The following ZNF644 variants were observed in gnomAD, a reference collection of about 807,000 sequenced individuals.
ZNF644 encodes the protein zinc finger protein 644, also known as zinc finger motif enhancer binding protein 2.
A neutral mutation model predicts 108.0 loss-of-function variants in ZNF644; 20 were observed. The observed-to-expected ratio is 0.19, with a 90% confidence interval of 0.13 to 0.27. The LOEUF (loss-of-function observed/expected upper bound fraction) is 0.27. ZNF644 is among the 10% of genes least tolerant of loss of function. The pLI is 1.00. For synonymous variants in ZNF644, 542 were observed against 539.1 expected (o/e 1.01, Z -0.08); for missense variants, 1,338 against 1,548.9 (o/e 0.86, Z 2.29).
intron 4 of ZNF644, among the ~76,000 whole-genome samples, chr1:90,928,180 TCTCA>T (rs949249758): frequency 2.6e-5 from 4 of 151,012 alleles, no homozygotes; most frequent in Non-Finnish European, 5.9e-5. Context: ...TGAGACGGAG[TCTCA>T]CTCTGTCGCC....
chr1:90,939,992 T>C lies in ZNF644; in HGVS notation c.1362A>G (p.Gly454=), dbSNP rs2100956187. The C allele has an allele frequency of 1.9e-6, 3 of 1,614,086 alleles. No homozygotes were observed. Among genetic ancestry groups the C allele is most frequent in the South Asian group, 1.1e-5 (1 of 91,080 alleles). ...VPRPYACREC[G]RTFRDRNSLL... ...GTGAATTGCGATCTCGAAATGTCCG[T>C]CCACATTCTCTACAAGCATATGGCC... The change falls in exon 3 of 6, where the codon GGA becomes GGG. Residue 454 remains glycine (G), a synonymous_variant. Coordinates refer to ENST00000337393, the MANE Select transcript of ZNF644 (RefSeq NM_201269.3).
chr1:90,983,155 C>T (rs1656733470), intron 1 of ZNF644, among the ~76,000 whole-genome samples: 1 of 152,228 alleles, frequency 6.6e-6, no homozygotes, highest in Admixed American at 6.5e-5. Context: ...AATAGCACCA[C>T]CACACCTACC....
intron 1 of ZNF644, among the ~76,000 whole-genome samples, chr1:90,998,490 C>A (rs919458721): frequency 6.6e-6 from 1 of 152,232 alleles, no homozygotes; most frequent in African/African-American, 2.4e-5. Flanking sequence ...AGGGTCCTCA[C>A]TGTTAGAAGG....
chr1:90,957,214 T>C lies in ZNF644; in HGVS notation c.45-15905A>G, dbSNP rs371477082. On this transcript the variant is annotated intron_variant, in intron 2 of 5. Coordinates refer to ENST00000337393, the MANE Select transcript of ZNF644 (RefSeq NM_201269.3). Reference sequence around the variant, plus strand: ...TATGCGGTTTCACTGGTAAATTCTATGAAACAAAATTAACACTAATTATTC... The same window carrying C: ...TATGCGGTTTCACTGGTAAATTCTACGAAACAAAATTAACACTAATTATTC... Among the ~76,000 whole-genome samples the C allele has an allele frequency of 6.6e-5, 10 of 152,292 alleles. No homozygotes were observed. The South Asian group carries it at 1.9e-3, about 28-fold the overall frequency.
At chr1:90,953,642 C>T (rs1287024216) in intron 2 of ZNF644, among the ~76,000 whole-genome samples, 1 of 151,964 alleles carries the variant, frequency 6.6e-6, no homozygotes, top group East Asian at 1.9e-4. Flanking sequence ...GTAGCTGGGC[C>T]CAGTGGCTCA....
rs1656635209 is a variant in ZNF644, at chr1:90,982,339, C to A, written c.15G>T (p.Leu5Phe). ...ATTTTGTCTTATTAACATCTTGCTG[C>A]AAGAACGATCTCATCCAAAATTAAA... MRSF[L>F]QQDVNKTKSR... Residue 5 changes from leucine (L) to phenylalanine (F), a missense_variant, in exon 2 of 6, where the codon TTG becomes TTT. Leu to Phe is a conservative substitution (Grantham distance 22). Transcript: ENST00000337393. 6.2e-7 allele frequency: 1 copy of A among 1,610,620 alleles called. No individual in the cohort carries two copies. The highest frequency in any genetic ancestry group is 1.7e-5 in the Admixed American group (1 of 59,978).
chr1:90,922,195 C>T (rs1325869696), intron 4 of ZNF644, among the ~76,000 whole-genome samples: 1 of 152,094 alleles, frequency 6.6e-6, no homozygotes, highest in Non-Finnish European at 1.5e-5. Flanking sequence ...TAACATTCGC[C>T]ACCGAAGTAT....
At chr1:91,003,413 C>G (rs1451095038) in intron 1 of ZNF644, among the ~76,000 whole-genome samples, 2 of 152,062 alleles carry the variant, frequency 1.3e-5, no homozygotes, top group East Asian at 1.9e-4. Context: ...CCATCATTCT[C>G]AGCAAACTAT....
Position 90,940,706 on chromosome 1 carries a change from G to A in ZNF644, c.648C>T (p.Gly216=), listed in dbSNP as rs1249163580. ...NSVGSNIKSD[G]TLINQVEVGE... is the part of the protein sequence containing the mutation. ...CCACCTCTACTTGATTTATTAAAGT[G>A]CCATCTGACTTTATATTACTCCCTA... The change falls in exon 3 of 6, where the codon GGC becomes GGT. Residue 216 remains glycine, a synonymous_variant. Transcript: ENST00000337393. The A allele has an allele frequency of 8.1e-6, 13 of 1,613,896 alleles. No homozygotes were observed. The highest frequency in any genetic ancestry group is 8.0e-5 in the African/African-American group (6 of 74,894).
rs552889286 is a variant in ZNF644, at chr1:90,967,785, C to T, written c.44+14525G>A. ...GCTTATGGCCAGGCACGGTGGCTCA[C>T]GCCTGTAATCCCAGCACTTTGGGAG... is the stretch of plus-strand genomic sequence containing the variant. On this transcript the variant is annotated intron_variant, in intron 2 of 5. Coordinates refer to ENST00000337393, the MANE Select transcript of ZNF644 (RefSeq NM_201269.3). Among the ~76,000 whole-genome samples, 194 of 151,740 alleles carry T rather than the reference C, an allele frequency of 1.3e-3. 1 individual carries two copies. The highest frequency in any genetic ancestry group is 4.5e-3 in the African/African-American group (186 of 41,362).
chr1:90,920,994 C>A (rs539707238), intron 4 of ZNF644, among the ~76,000 whole-genome samples: 1 of 151,970 alleles, frequency 6.6e-6, no homozygotes, highest in East Asian at 1.9e-4. Context: ...GTGATACTGC[C>A]CATACCTTTG....
chr1:90,959,647 T>C (rs1654121930), intron 2 of ZNF644, among the ~76,000 whole-genome samples: 1 of 152,108 alleles, frequency 6.6e-6, no homozygotes, highest in African/African-American at 2.4e-5. Context: ...TTCTTTCATA[T>C]GAAATATCCA....
intron 1 of ZNF644, among the ~76,000 whole-genome samples, chr1:91,008,887 A>T (rs1197380117): frequency 6.6e-6 from 1 of 152,232 alleles, no homozygotes. Flanking sequence ...GACAGCAGGA[A>T]TAACAGAAGG....
chr1:90,959,522 A>T (rs1654108904), intron 2 of ZNF644, among the ~76,000 whole-genome samples: 1 of 152,240 alleles, frequency 6.6e-6, no homozygotes, highest in South Asian at 2.1e-4. Context: ...AATAATATGT[A>T]AATTGCGGTA....
At chr1:91,003,532 G>C (rs892177732) in intron 1 of ZNF644, among the ~76,000 whole-genome samples, 1 of 152,044 alleles carries the variant, frequency 6.6e-6, no homozygotes, top group Admixed American at 6.6e-5. Flanking sequence ...GGCCTGTCGT[G>C]GGGTGGGGGC....
Position 90,937,920 on chromosome 1 carries a change from T to G in ZNF644, c.3253A>C (p.Asn1085His). The change falls in exon 4 of 6, where the codon AAT (asparagine) becomes CAT (histidine). Residue 1085 changes from asparagine to histidine, a missense_variant. This residue lies in a region of ZNF644 where 287 missense variants were observed against 310.9 expected (regional missense o/e 0.92). Transcript: ENST00000337393. ...AAGATTTTTTCATATTTTTCTTCAT[T>G]TTGCATCATCTCATTCAGAACACAG... ...PICVLNEMMQNEEKYEKILKA... is the reference protein window; with the variant it reads ...PICVLNEMMQHEEKYEKILKA... The G allele has an allele frequency of 6.2e-7, 1 of 1,613,736 alleles. No homozygotes were observed. Among genetic ancestry groups the G allele is most frequent in the Non-Finnish European group, 8.5e-7 (1 of 1,179,862 alleles).
intron 1 of ZNF644, among the ~76,000 whole-genome samples, chr1:90,985,822 G>A (rs551064353): frequency 3.3e-5 from 5 of 152,230 alleles, no homozygotes; most frequent in East Asian, 3.9e-4. Context: ...ATAACCAGAC[G>A]TGGGACTGCT....
chr1:91,011,603 A>G (rs1236610760), intron 1 of ZNF644, among the ~76,000 whole-genome samples: 4 of 152,162 alleles, frequency 2.6e-5, no homozygotes, highest in Non-Finnish European at 4.4e-5. Context: ...TCAAGCACTA[A>G]AAGTAAAAAT....
rs1648686136 is a variant in ZNF644 at position 90,915,628 on chromosome 1, T to C, written c.*1170A>G. The C allele has an allele frequency of 6.6e-6, 1 of 152,572 alleles. No individual in the cohort carries two copies. Among genetic ancestry groups the C allele is most frequent in the African/African-American group, 2.4e-5 (1 of 41,448 alleles). 9.5% of individuals were successfully genotyped at this position (152,572 alleles called of 1,614,324 possible). On this transcript the variant is annotated 3_prime_UTR_variant, in exon 6 of 6. Transcript: ENST00000337393. ...CACAATTTATCATGACCAAGACACC[T>C]GCACCATATTTTCCATTCCTCACAG... is the stretch of plus-strand genomic sequence containing the variant.
Sources: gnomAD v4.1 joint callset for allele counts (sites outside exome capture counted in the v4.1 genomes callset) on GRCh38, gnomAD v4.1.1 for gene constraint, gnomAD v4.1.1 regional missense constraint, MANE v1.5 for transcripts, NCBI Gene and HGNC (gene_info 2026-07-23, HGNC 2026-07-21) for gene names.